ZNRF2: variants seen among roughly 807,000 people sequenced by gnomAD.
The protein encoded by ZNRF2 is E3 ubiquitin-protein ligase ZNRF2.
A neutral mutation model predicts 20.4 loss-of-function variants in ZNRF2; 16 were observed. That is an observed-to-expected ratio of 0.79 (90% CI 0.53 to 1.19). ZNRF2 has a LOEUF of 1.19. ZNRF2 is among the 50% of genes most tolerant of loss of function. The probability of loss-of-function intolerance (pLI) is 0.00; values close to 1 mark genes in which losing one functional copy is unlikely to be tolerated. For synonymous variants in ZNRF2, 178 were observed against 144.9 expected, an observed-to-expected ratio of 1.23 and a Z score of -1.64; for missense variants, 363 against 332.4, an observed-to-expected ratio of 1.09 and a Z score of -0.72.
chr7:30,354,596 G>C (rs974992393), intron 2 of ZNRF2, among the ~76,000 whole-genome samples: 3 of 152,232 alleles, frequency 2.0e-5, no homozygotes, highest in Non-Finnish European at 2.9e-5. Context: ...GGAGGAATGG[G>C]CATATCAAAC....
At chr7:30,318,212 A>G (rs138107643) in intron 1 of ZNRF2, among the ~76,000 whole-genome samples, 4 of 152,230 alleles carry the variant, frequency 2.6e-5, no homozygotes, top group African/African-American at 2.4e-5. Flanking sequence ...GGGGCAGAAT[A>G]TTTGGATTAT....
intron 1 of ZNRF2, among the ~76,000 whole-genome samples, chr7:30,298,705 A>G (rs1180159754): frequency 6.6e-6 from 1 of 152,160 alleles, no homozygotes; most frequent in African/African-American, 2.4e-5. Flanking sequence ...CCTAATAACA[A>G]GCTTGTAGTA....
chr7:30,350,075 T>C (rs542277814), intron 2 of ZNRF2, among the ~76,000 whole-genome samples: 2 of 152,154 alleles, frequency 1.3e-5, no homozygotes, highest in South Asian at 2.1e-4. Context: ...TCAATACTTA[T>C]AAAATACTTA....
At chr7:30,320,713 A>T (rs1485630642) in intron 1 of ZNRF2, among the ~76,000 whole-genome samples, 2 of 152,184 alleles carry the variant, frequency 1.3e-5, no homozygotes, top group Non-Finnish European at 2.9e-5. Context: ...TCAACTGAAG[A>T]TATTTTCAAT....
chr7:30,329,417 A>G (rs948958232), intron 2 of ZNRF2, among the ~76,000 whole-genome samples: 2 of 152,148 alleles, frequency 1.3e-5, no homozygotes, highest in Admixed American at 1.3e-4. Context: ...TGTACCCATT[A>G]ATCAAACCCT....
intron 1 of ZNRF2, among the ~76,000 whole-genome samples, chr7:30,322,254 A>G (rs1799481994): frequency 6.6e-6 from 1 of 152,212 alleles, no homozygotes. Context: ...CATTTAGGAA[A>G]TTGAATACCT....
intron 2 of ZNRF2, among the ~76,000 whole-genome samples, chr7:30,327,552 T>C (rs894807105): frequency 4.6e-5 from 7 of 152,126 alleles, no homozygotes. Flanking sequence ...TGCTTGGGGA[T>C]ACTATAACAA....
At chr7:30,313,753 T>C (rs1195455863) in intron 1 of ZNRF2, among the ~76,000 whole-genome samples, 2 of 152,188 alleles carry the variant, frequency 1.3e-5, no homozygotes, top group Non-Finnish European at 2.9e-5. Flanking sequence ...AATAAAAAAC[T>C]ACTTAACCTC....
chr7:30,314,169 C>T (rs191199340), intron 1 of ZNRF2, among the ~76,000 whole-genome samples: 1 of 152,130 alleles, frequency 6.6e-6, no homozygotes, highest in African/African-American at 2.4e-5. Flanking sequence ...TTAATTCAAA[C>T]AAATTTAAAA....
chr7:30,365,056 G>A (rs1800187837), intron 4 of ZNRF2, among the ~76,000 whole-genome samples: 1 of 151,010 alleles, frequency 6.6e-6, no homozygotes, highest in African/African-American at 2.4e-5. Flanking sequence ...TGTCCCAAAG[G>A]CCCCACCTCT....
At chr7:30,325,204 A>C (rs1417302567) in intron 2 of ZNRF2, among the ~76,000 whole-genome samples, 1 of 152,236 alleles carries the variant, frequency 6.6e-6, no homozygotes, top group Non-Finnish European at 1.5e-5. Flanking sequence ...GTTGTTTTCA[A>C]AATTTTATAA....
At chr7:30,345,477 T>C (rs186624786) in intron 2 of ZNRF2, among the ~76,000 whole-genome samples, 3 of 152,220 alleles carry the variant, frequency 2.0e-5, no homozygotes, top group East Asian at 3.9e-4. Context: ...TGTTCTGTTA[T>C]ACCATTCAGA....
intron 1 of ZNRF2, among the ~76,000 whole-genome samples, chr7:30,287,120 C>A (rs530327296): frequency 1.3e-5 from 2 of 152,130 alleles, no homozygotes; most frequent in African/African-American, 4.8e-5. Context: ...AAATATTCAT[C>A]CCTCTTAAAA....
Position 30,285,481 on chromosome 7 carries a change from C to A in ZNRF2, c.124C>A (p.Arg42=). Residue 42 remains arginine (R), a synonymous_variant, in exon 1 of 5, where the codon CGG becomes AGG. Coordinates refer to ENST00000323037, the MANE Select transcript of ZNRF2 (RefSeq NM_147128.4). ...GACCGCGGGCGGCGGCGGGGGCGCT[C>A]GGGCCGCCGCCGCGGGGAGGTTCCC... The part of the protein sequence containing the change: ...NGTAGGGGGA[R]AAAAGRFPAQ... 1 of 1,091,984 alleles carries A rather than the reference C, an allele frequency of 9.2e-7. No individual in the cohort carries two copies. The highest frequency in any genetic ancestry group is 2.6e-5 in the South Asian group (1 of 37,770). The allele number at this position is 1,091,984 out of a possible 1,614,324, so 67.6% of individuals were successfully genotyped here.
At chr7:30,321,501 G>A (rs1799468718) in intron 1 of ZNRF2, among the ~76,000 whole-genome samples, 1 of 151,942 alleles carries the variant, frequency 6.6e-6, no homozygotes, top group South Asian at 2.1e-4. Flanking sequence ...GGGGAGGAGA[G>A]AGAAACATGT....
intron 2 of ZNRF2, among the ~76,000 whole-genome samples, chr7:30,337,201 C>A (rs1344535155): frequency 6.6e-6 from 1 of 152,072 alleles, no homozygotes; most frequent in Non-Finnish European, 1.5e-5. Context: ...CGGATTGAAT[C>A]TTTTTATGTT....
rs1036644746 is a variant in ZNRF2, at chr7:30,284,926, C to G, written c.-432C>G. ...CTCAGCCGCCAGCCGCCGTGGGAGCCGGAGGATGGCGGCGGTAGCAGCGGC... is the reference window on the plus strand; with the variant it reads ...CTCAGCCGCCAGCCGCCGTGGGAGCGGGAGGATGGCGGCGGTAGCAGCGGC... On this transcript the variant is annotated 5_prime_UTR_variant, in exon 1 of 5. Coordinates refer to ENST00000323037, the MANE Select transcript of ZNRF2 (RefSeq NM_147128.4). 4 of 254,208 alleles carry G rather than the reference C, an allele frequency of 1.6e-5. No individual in the cohort carries two copies. The highest frequency in any genetic ancestry group is 3.2e-5 in the Non-Finnish European group (4 of 125,374). 15.7% of individuals were successfully genotyped at this position (254,208 alleles called of 1,614,324 possible). A position where few individuals can be genotyped will look rare whatever the true frequency, so the allele number is the denominator to read the frequency against.
At chr7:30,347,524 A>C (rs1799896449) in intron 2 of ZNRF2, among the ~76,000 whole-genome samples, 1 of 152,110 alleles carries the variant, frequency 6.6e-6, no homozygotes, top group Non-Finnish European at 1.5e-5. Context: ...TTCCCAAATC[A>C]ATGTGTTTTT....
chr7:30,345,359 C>G (rs1024574144), intron 2 of ZNRF2, among the ~76,000 whole-genome samples: 1 of 151,906 alleles, frequency 6.6e-6, no homozygotes, highest in Non-Finnish European at 1.5e-5. Flanking sequence ...GTTTCATCCT[C>G]ATTTGTGATC....
Sources: gnomAD v4.1 joint callset for allele counts (sites outside exome capture counted in the v4.1 genomes callset) on GRCh38, gnomAD v4.1.1 for gene constraint, MANE v1.5 for transcripts, NCBI Gene and HGNC (gene_info 2026-07-23, HGNC 2026-07-21) for gene names.